The following SYN2 variants were observed in gnomAD, a reference collection of about 807,000 sequenced individuals.
SYN2 encodes the protein synapsin II.
SYN2 carries 19 observed loss-of-function variants against 50.9 expected under a neutral mutation model. The observed-to-expected ratio is 0.37, with a 90% CI of 0.26 to 0.55. The LOEUF (loss-of-function observed/expected upper bound fraction) is 0.55. SYN2 is among the 20% of genes least tolerant of loss of function. The pLI is 0.81. For missense variants in SYN2, 587 were observed against 576.4 expected, an observed-to-expected ratio of 1.02 and a Z score of -0.19; for synonymous variants, 255 against 224.9, an observed-to-expected ratio of 1.13 and a Z score of -1.20.
chr3:12,072,715 T>C (rs951020886), intron 1 of SYN2, among the ~76,000 whole-genome samples: 2 of 152,222 alleles, frequency 1.3e-5, no homozygotes, highest in South Asian at 4.1e-4. Context: ...ATTGCTTCCA[T>C]ATTCATCCTG....
chr3:12,058,612 A>T (rs1457662356), intron 1 of SYN2, among the ~76,000 whole-genome samples: 5 of 152,232 alleles, frequency 3.3e-5, no homozygotes, highest in African/African-American at 9.6e-5. Context: ...GAATAAATCA[A>T]GATAAAATCA....
At chr3:12,127,851 C>T (rs559341928) in intron 1 of SYN2, among the ~76,000 whole-genome samples, 75 of 152,298 alleles carry the variant, frequency 4.9e-4, no homozygotes, top group Middle Eastern at 3.4e-3. Flanking sequence ...ATTTGCTCTA[C>T]GAACTGTGTA....
At chr3:12,060,349 A>G (rs1695086363) in intron 1 of SYN2, among the ~76,000 whole-genome samples, 1 of 152,180 alleles carries the variant, frequency 6.6e-6, no homozygotes, top group South Asian at 2.1e-4. Context: ...CTTCTCCATA[A>G]CAAAGACCTA....
At chr3:12,151,854 A>G (rs773457169) in intron 5 of SYN2, among the ~76,000 whole-genome samples, 1 of 152,164 alleles carries the variant, frequency 6.6e-6, no homozygotes, top group Non-Finnish European at 1.5e-5. Context: ...GCGCTTCCAC[A>G]ACTGTGATAA....
At chr3:12,026,736 C>G (rs1694267557) in intron 1 of SYN2, among the ~76,000 whole-genome samples, 1 of 152,156 alleles carries the variant, frequency 6.6e-6, no homozygotes. Flanking sequence ...CACTGAGCCA[C>G]TTTGTAAAGA....
chr3:12,173,385 A>C (rs1300299496), intron 10 of SYN2, among the ~76,000 whole-genome samples: 3 of 152,060 alleles, frequency 2.0e-5, no homozygotes, highest in Non-Finnish European at 4.4e-5. Flanking sequence ...CCACCCACTT[A>C]TCTGCACCTC....
intron 1 of SYN2, among the ~76,000 whole-genome samples, chr3:12,032,044 C>G (rs1336876574): frequency 9.8e-5 from 13 of 132,918 alleles, no homozygotes; most frequent in South Asian, 3.0e-4. Context: ...ATGTTTAGCG[C>G]TTCCTTGAGG....
chr3:12,146,816 C>T (rs989554107), intron 4 of SYN2, among the ~76,000 whole-genome samples: 1 of 152,102 alleles, frequency 6.6e-6, no homozygotes. Flanking sequence ...CTGAGGGGAC[C>T]CAGCTCCTCT....
chr3:12,101,742 A>G (rs955248431), intron 1 of SYN2, among the ~76,000 whole-genome samples: 2 of 152,196 alleles, frequency 1.3e-5, no homozygotes, highest in African/African-American at 2.4e-5. Flanking sequence ...ATGTTAGACT[A>G]TAGTGTAAAC....
At chr3:12,083,784 A>T (rs1695631828) in intron 1 of SYN2, among the ~76,000 whole-genome samples, 1 of 152,148 alleles carries the variant, frequency 6.6e-6, no homozygotes, top group South Asian at 2.1e-4. Context: ...CTGTCTGGAA[A>T]CAGGAGCCCT....
chr3:12,141,785 T>C lies in SYN2; in HGVS notation c.436-120T>C, dbSNP rs1028088814. On this transcript the variant is annotated intron_variant, in intron 2 of 12. Coordinates refer to ENST00000621198, the MANE Select transcript of SYN2 (RefSeq NM_133625.6). ...TGCTATTAGAATTAGACTAACTCAG[T>C]ATGTGAACATGTTTTGAAAACTGTA... 1.2e-5 allele frequency: 8 copies of C among 666,770 alleles called. No individual in the cohort carries two copies. In the African/African-American group the frequency reaches 1.4e-4, roughly 12 times the overall value. The allele number at this position is 666,770 out of a possible 1,614,324, so 41.3% of individuals were successfully genotyped here. A position where few individuals can be genotyped will look rare whatever the true frequency, so the allele number is the denominator to read the frequency against.
chr3:12,114,411 G>A (rs1484048751), intron 1 of SYN2, among the ~76,000 whole-genome samples: 1 of 151,958 alleles, frequency 6.6e-6, no homozygotes, highest in Non-Finnish European at 1.5e-5. Flanking sequence ...CATTTTCTTG[G>A]TAGTGTCCCT....
chr3:12,039,642 C>A (rs1295055436), intron 1 of SYN2, among the ~76,000 whole-genome samples: 1 of 140,128 alleles, frequency 7.1e-6, no homozygotes, highest in Non-Finnish European at 1.5e-5. Flanking sequence ...CCAAATAAAG[C>A]AATGGATTTT....
chr3:12,099,684 G>T (rs1696022180), intron 1 of SYN2, among the ~76,000 whole-genome samples: 1 of 152,060 alleles, frequency 6.6e-6, no homozygotes, highest in South Asian at 2.1e-4. Context: ...AAAAAGGTAG[G>T]CTGGGCGCAA....
chr3:12,034,813 T>C (rs1177979048), intron 1 of SYN2, among the ~76,000 whole-genome samples: 1 of 152,188 alleles, frequency 6.6e-6, no homozygotes, highest in African/African-American at 2.4e-5. Context: ...GGAGACACAC[T>C]CAAACCACAG....
intron 1 of SYN2, among the ~76,000 whole-genome samples, chr3:12,092,269 A>G (rs1208761192): frequency 6.6e-6 from 1 of 152,232 alleles, no homozygotes; most frequent in Non-Finnish European, 1.5e-5. Context: ...TATACTTTTA[A>G]GCATAATTTC....
intron 1 of SYN2, among the ~76,000 whole-genome samples, chr3:12,007,507 A>C (rs1693824133): frequency 6.6e-6 from 1 of 152,198 alleles, no homozygotes; most frequent in Admixed American, 6.5e-5. Flanking sequence ...TACACAGGTG[A>C]TTTTTGCACT....
At chr3:12,095,850 TG>T (rs1695921202) in intron 1 of SYN2, among the ~76,000 whole-genome samples, 1 of 152,208 alleles carries the variant, frequency 6.6e-6, no homozygotes. Context: ...CATACCATCT[TG>T]GTCTTAATGA....
intron 1 of SYN2, among the ~76,000 whole-genome samples, chr3:12,098,353 C>T (rs1265629308): frequency 6.6e-6 from 1 of 151,926 alleles, no homozygotes; most frequent in Non-Finnish European, 1.5e-5. Flanking sequence ...TTGTTGCTAG[C>T]AGTAGTTATA....
Sources: gnomAD v4.1 joint callset for allele counts (sites outside exome capture counted in the v4.1 genomes callset) on GRCh38, gnomAD v4.1.1 for gene constraint, MANE v1.5 for transcripts, NCBI Gene and HGNC (gene_info 2026-07-23, HGNC 2026-07-21) for gene names.